DGKI: variants seen among roughly 807,000 people sequenced by gnomAD.
The protein encoded by DGKI is diacylglycerol kinase iota, also known as DAG kinase iota.
In DGKI, 55 loss-of-function variants were observed where a neutral mutation model predicts 147.5. The ratio of observed to expected loss-of-function variants is 0.37; its 90% CI spans 0.30 to 0.47. The LOEUF is 0.47. Ranked by LOEUF, DGKI falls within the 20% of genes least tolerant of loss-of-function variation. DGKI has a pLI of 1.00. For synonymous variants in DGKI, 469 were observed against 477.1 expected (o/e 0.98, Z 0.22); for missense variants, 1,007 against 1,323.8 (o/e 0.76, Z 3.71).
At chr7:137,471,744 A>G (rs1262186689) in intron 23 of DGKI, among the ~76,000 whole-genome samples, 1 of 151,756 alleles carries the variant, frequency 6.6e-6, no homozygotes, top group Non-Finnish European at 1.5e-5. Flanking sequence ...TAAATAATTG[A>G]TAGAGGAAAA....
In DGKI at chr7:137,388,743, T is replaced by C. The variant is rs1380533724; in HGVS notation, c.*2477A>G. The C allele has an allele frequency of 6.6e-6, 1 of 152,186 alleles. No individual in the cohort carries two copies. The highest frequency in any genetic ancestry group is 1.5e-5 in the Non-Finnish European group (1 of 68,020). 9.4% of individuals were successfully genotyped at this position (152,186 alleles called of 1,614,324 possible). On this transcript the variant is annotated 3_prime_UTR_variant, in exon 33 of 33. Coordinates refer to ENST00000614521, the MANE Select transcript of DGKI (RefSeq NM_001321708.2). ...GGAAATCCCAAGTCCTAGTGGTACT[T>C]GCTTTTTTCAAAGCGATATATCAAA...
chr7:137,753,098 A>G (rs1795560238), intron 1 of DGKI, among the ~76,000 whole-genome samples: 1 of 152,120 alleles, frequency 6.6e-6, no homozygotes. Flanking sequence ...GAAGTTGGCT[A>G]TTCTGTACTC....
At chr7:137,738,748 A>G (rs1795094033) in intron 1 of DGKI, among the ~76,000 whole-genome samples, 1 of 133,006 alleles carries the variant, frequency 7.5e-6, no homozygotes, top group Admixed American at 7.8e-5. Flanking sequence ...TCCTTTTCAT[A>G]TCCGATTTAC....
chr7:137,597,062 A>G (rs1368523003), intron 12 of DGKI, among the ~76,000 whole-genome samples: 1 of 152,220 alleles, frequency 6.6e-6, no homozygotes, highest in Non-Finnish European at 1.5e-5. Flanking sequence ...CCGATGAGGC[A>G]TAATAAACAG....
intron 14 of DGKI, 50 bp downstream of exon 14, chr7:137,585,159 T>C (rs1819341965): frequency 1.2e-6 from 2 of 1,606,034 alleles, no homozygotes; most frequent in South Asian, 1.1e-5. Flanking sequence ...TTCCTGTAGC[T>C]CAGGCAGATG....
intron 15 of DGKI, among the ~76,000 whole-genome samples, chr7:137,579,481 T>G (rs1475442363): frequency 6.6e-6 from 1 of 151,102 alleles, no homozygotes; most frequent in African/African-American, 2.4e-5. Context: ...TGCTTAATTA[T>G]ATATTTCATA....
At chr7:137,637,132 C>T (rs1371452750) in intron 6 of DGKI, among the ~76,000 whole-genome samples, 2 of 152,188 alleles carry the variant, frequency 1.3e-5, no homozygotes, top group African/African-American at 4.8e-5. Context: ...TTCCAGTTCC[C>T]CATGGAGTTG....
At chr7:137,391,807 TA>T (rs1253269656) in intron 32 of DGKI, among the ~76,000 whole-genome samples, 1 of 152,158 alleles carries the variant, frequency 6.6e-6, no homozygotes, top group African/African-American at 2.4e-5. Flanking sequence ...ATACAGAAAC[TA>T]AAAGGAAGGG....
chr7:137,641,808 A>G (rs940337754), intron 6 of DGKI, among the ~76,000 whole-genome samples: 1 of 152,268 alleles, frequency 6.6e-6, no homozygotes, highest in African/African-American at 2.4e-5. Flanking sequence ...TATAACTTTT[A>G]CATATGAAGA....
intron 2 of DGKI, 21 bp downstream of exon 2, chr7:137,689,873 A>C: frequency 6.8e-7 from 1 of 1,476,528 alleles, no homozygotes. Flanking sequence ...GTGATGTTTA[A>C]ATGAAAAGGC....
At chr7:137,656,771 G>A (rs1822240536) in intron 3 of DGKI, among the ~76,000 whole-genome samples, 1 of 152,064 alleles carries the variant, frequency 6.6e-6, no homozygotes. Flanking sequence ...ATTTAGGGTG[G>A]GCTAGATTGT....
chr7:137,407,185 A>T (rs1037831118), intron 30 of DGKI, among the ~76,000 whole-genome samples: 2 of 152,228 alleles, frequency 1.3e-5, no homozygotes, highest in Non-Finnish European at 2.9e-5. Flanking sequence ...ACTACAAAAC[A>T]TGATAAATTC....
At chr7:137,749,361 T>G (rs886587705) in intron 1 of DGKI, among the ~76,000 whole-genome samples, 6 of 152,180 alleles carry the variant, frequency 3.9e-5, no homozygotes, top group African/African-American at 1.4e-4. Flanking sequence ...TTCATTTCTG[T>G]GGACCCTGCT....
intron 1 of DGKI, among the ~76,000 whole-genome samples, chr7:137,772,382 C>T (rs1163730965): frequency 6.6e-6 from 1 of 152,122 alleles, no homozygotes; most frequent in Non-Finnish European, 1.5e-5. Flanking sequence ...TCGTGATTCA[C>T]CCTGGAGCCC....
intron 23 of DGKI, among the ~76,000 whole-genome samples, chr7:137,484,591 A>C (rs1020811940): frequency 2.0e-5 from 3 of 152,024 alleles, no homozygotes; most frequent in African/African-American, 7.2e-5. Flanking sequence ...CGGGAGTAAT[A>C]CTGTGTACTA....
chr7:137,683,493 A>G (rs1465416009), intron 2 of DGKI, among the ~76,000 whole-genome samples: 1 of 152,094 alleles, frequency 6.6e-6, no homozygotes, highest in African/African-American at 2.4e-5. Flanking sequence ...CTCCCACCTC[A>G]GCCTCCTGAG....
intron 23 of DGKI, among the ~76,000 whole-genome samples, chr7:137,469,973 T>C (rs1814816909): frequency 6.6e-6 from 1 of 152,164 alleles, no homozygotes; most frequent in Admixed American, 6.6e-5. Flanking sequence ...CATTGACACA[T>C]AGGTCTAAGG....
intron 15 of DGKI, among the ~76,000 whole-genome samples, chr7:137,578,993 G>A (rs910041634): frequency 1.3e-5 from 2 of 152,064 alleles, no homozygotes; most frequent in African/African-American, 4.8e-5. Flanking sequence ...TTACATCTGT[G>A]CTAAAAATTC....
intron 3 of DGKI, among the ~76,000 whole-genome samples, chr7:137,663,941 G>A (rs1440264131): frequency 1.3e-5 from 2 of 152,156 alleles, no homozygotes; most frequent in East Asian, 1.9e-4. Context: ...CCCCGGTCTG[G>A]AGAATTGGTG....
Sources: allele counts gnomAD v4.1 joint callset (sites outside exome capture counted in the v4.1 genomes callset), GRCh38; gene constraint gnomAD v4.1.1; transcripts MANE v1.5; gene names NCBI Gene and HGNC (gene_info 2026-07-23, HGNC 2026-07-21).